The following CNTN5 variants were observed in gnomAD, a reference collection of about 807,000 sequenced individuals.
The protein encoded by CNTN5 is contactin-5.
CNTN5 carries 77 observed loss-of-function variants against 129.1 expected under a neutral mutation model. The ratio of observed to expected loss-of-function variants is 0.60; its 90% CI spans 0.50 to 0.72. The LOEUF is 0.72. Ranked by LOEUF, CNTN5 falls within the 30% of genes least tolerant of loss-of-function variation. CNTN5 has a pLI of 0.00. For synonymous variants in CNTN5, 509 were observed against 465.6 expected, an observed-to-expected ratio of 1.09 and a Z score of -1.20; for missense variants, 1,478 against 1,328.8, an observed-to-expected ratio of 1.11 and a Z score of -1.75.
At chr11:99,284,147 A>G (rs1485377168) in intron 1 of CNTN5, among the ~76,000 whole-genome samples, 4 of 152,098 alleles carry the variant, frequency 2.6e-5, no homozygotes, top group African/African-American at 9.7e-5. Flanking sequence ...TGGAGTGCTT[A>G]ACACCAGGCT....
chr11:100,048,055 C>T (rs555685002), intron 9 of CNTN5, among the ~76,000 whole-genome samples: 2 of 152,164 alleles, frequency 1.3e-5, no homozygotes, highest in Admixed American at 1.3e-4. Context: ...GGCATGAATC[C>T]CGAGGGCGGA....
intron 4 of CNTN5, among the ~76,000 whole-genome samples, chr11:99,823,271 T>C (rs1946855529): frequency 6.6e-6 from 1 of 152,238 alleles, no homozygotes; most frequent in African/African-American, 2.4e-5. Flanking sequence ...CAGAAAATCA[T>C]TCTCATAGTT....
chr11:100,285,534 G>A (rs1044570295), intron 18 of CNTN5, among the ~76,000 whole-genome samples: 9 of 152,184 alleles, frequency 5.9e-5, no homozygotes, highest in African/African-American at 1.9e-4. Flanking sequence ...TCAATATGTA[G>A]CCATTTTCTT....
intron 3 of CNTN5, among the ~76,000 whole-genome samples, chr11:99,595,088 G>A (rs1196359584): frequency 6.6e-6 from 1 of 152,094 alleles, no homozygotes; most frequent in Admixed American, 6.5e-5. Context: ...ACCAGAAGAG[G>A]GTGGTCAATG....
chr11:99,494,171 G>A (rs563713566), intron 2 of CNTN5, among the ~76,000 whole-genome samples: 17 of 152,246 alleles, frequency 1.1e-4, no homozygotes, highest in South Asian at 2.1e-4. Context: ...AACTCACTCC[G>A]TAGTAATCGA....
chr11:100,276,686 A>T (rs1396958278), intron 18 of CNTN5, among the ~76,000 whole-genome samples: 1 of 152,102 alleles, frequency 6.6e-6, no homozygotes, highest in African/African-American at 2.4e-5. Flanking sequence ...TTATGTGGGT[A>T]TACAGTAGGT....
intron 1 of CNTN5, among the ~76,000 whole-genome samples, chr11:99,196,361 C>A (rs1320772823): frequency 6.6e-6 from 1 of 151,674 alleles, no homozygotes. Flanking sequence ...ATAACTAAAT[C>A]CTTTTCTTTA....
intron 3 of CNTN5, among the ~76,000 whole-genome samples, chr11:99,736,240 A>T (rs1453818757): frequency 6.6e-6 from 1 of 152,180 alleles, no homozygotes; most frequent in African/African-American, 2.4e-5. Flanking sequence ...TGTAACAGCA[A>T]GCTTATCTGT....
intron 8 of CNTN5, among the ~76,000 whole-genome samples, chr11:99,991,744 G>GTTTC (rs571517206): frequency 6.4e-5 from 4 of 62,218 alleles, no homozygotes; most frequent in African/African-American, 2.6e-4. Context: ...AGACATGCAG[G>GTTTC]TTTGTTTGTT....
At chr11:99,782,382 C>T (rs1420056168) in intron 3 of CNTN5, among the ~76,000 whole-genome samples, 143 of 149,252 alleles carry the variant, frequency 9.6e-4, no homozygotes, top group African/African-American at 3.4e-3. Context: ...GAATCAATAT[C>T]GTGAAAATGG....
At chr11:99,173,736 T>G (rs908372036) in intron 1 of CNTN5, among the ~76,000 whole-genome samples, 1 of 152,146 alleles carries the variant, frequency 6.6e-6, no homozygotes, top group African/African-American at 2.4e-5. Flanking sequence ...GACTCAACAA[T>G]CGGAATCAGA....
At chr11:100,187,283 T>C (rs1180133722) in intron 13 of CNTN5, among the ~76,000 whole-genome samples, 1 of 152,072 alleles carries the variant, frequency 6.6e-6, no homozygotes, top group African/African-American at 2.4e-5. Context: ...CAGGAGTCAT[T>C]TGGCAGTCTT....
At chr11:99,849,078 T>G (rs993606697) in intron 6 of CNTN5, among the ~76,000 whole-genome samples, 1 of 152,008 alleles carries the variant, frequency 6.6e-6, no homozygotes, top group Admixed American at 6.6e-5. Context: ...CCTAATTATA[T>G]TCATAAAAAA....
intron 4 of CNTN5, among the ~76,000 whole-genome samples, chr11:99,829,133 C>G (rs902984366): frequency 6.6e-6 from 1 of 152,022 alleles, no homozygotes; most frequent in Non-Finnish European, 1.5e-5. Context: ...TGAAGATATT[C>G]CCTGGTGATA....
At chr11:99,551,410 G>T (rs112876623) in intron 2 of CNTN5, among the ~76,000 whole-genome samples, 1 of 152,162 alleles carries the variant, frequency 6.6e-6, no homozygotes, top group Admixed American at 6.6e-5. Context: ...ATCTTAAGAC[G>T]TGATGGAGCT....
intron 9 of CNTN5, among the ~76,000 whole-genome samples, chr11:100,036,398 G>C (rs1339440005): frequency 6.6e-6 from 1 of 151,718 alleles, no homozygotes; most frequent in South Asian, 2.1e-4. Context: ...AAGTCAGGTA[G>C]CGTGATGCCT....
chr11:99,548,260 C>T (rs762148017), intron 2 of CNTN5, among the ~76,000 whole-genome samples: 1 of 152,128 alleles, frequency 6.6e-6, no homozygotes, highest in East Asian at 1.9e-4. Context: ...TAGTACATTG[C>T]TAAAAACCTT....
At chr11:99,317,756 C>G (rs1162510476) in intron 1 of CNTN5, among the ~76,000 whole-genome samples, 4 of 151,612 alleles carry the variant, frequency 2.6e-5, no homozygotes, top group African/African-American at 9.7e-5. Flanking sequence ...AAATGTTTAG[C>G]AAAACATAAT....
chr11:99,890,225 A>G (rs977138399), intron 6 of CNTN5, among the ~76,000 whole-genome samples: 3 of 152,224 alleles, frequency 2.0e-5, no homozygotes, highest in Non-Finnish European at 4.4e-5. Context: ...GGATATGTCA[A>G]CAGGAGCCAA....
Sources: gnomAD v4.1 joint callset for allele counts (sites outside exome capture counted in the v4.1 genomes callset) on GRCh38, gnomAD v4.1.1 for gene constraint, MANE v1.5 for transcripts, NCBI Gene and HGNC (gene_info 2026-07-23, HGNC 2026-07-21) for gene names.